The following LRRC53 variants were observed in gnomAD, a reference collection of about 807,000 sequenced individuals.
LRRC53 encodes the protein leucine rich repeat containing 53.
Under a neutral mutation model 13.6 loss-of-function variants are expected in LRRC53, and 25 were observed. The observed-to-expected ratio is 1.83, with a 90% CI of 1.34 to 2.56. The LOEUF is 2.56. LRRC53 is among the 30% of genes most tolerant of loss of function. The probability of loss-of-function intolerance (pLI) is 0.00; values close to 1 mark genes in which losing one functional copy is unlikely to be tolerated. For synonymous variants in LRRC53, 204 were observed against 109.8 expected, an observed-to-expected ratio of 1.86 and a Z score of -5.37; for missense variants, 527 against 275.8, an observed-to-expected ratio of 1.91 and a Z score of -6.45.
chr1:74,488,132 C>T (rs1557600824), intron 1 of LRRC53, among the ~76,000 whole-genome samples: 2 of 152,012 alleles, frequency 1.3e-5, no homozygotes, highest in South Asian at 2.1e-4. Flanking sequence ...TTTAAAATCC[C>T]CAAAGAATGA....
At chr1:74,507,274 C>A (rs1220845103) in intron 1 of LRRC53, among the ~76,000 whole-genome samples, 1 of 136,020 alleles carries the variant, frequency 7.4e-6, no homozygotes, top group East Asian at 2.6e-4. Flanking sequence ...TCAATTAAGA[C>A]CAAGTTCAAT....
At chr1:74,515,434 G>A (rs951112044), upstream of LRRC53, among the ~76,000 whole-genome samples, 2 of 152,122 alleles carry the variant, frequency 1.3e-5, no homozygotes, top group Non-Finnish European at 2.9e-5. Context: ...CCAAAGTTAA[G>A]GTGAAATTCT....
chr1:74,526,884 T>G, the LRRC53 span, among the ~76,000 whole-genome samples: 1 of 152,220 alleles, frequency 6.6e-6, no homozygotes. Flanking sequence ...CTGTAAAGTT[T>G]TATTGGAATA....
At chr1:74,491,991 TA>T (rs1318346103) in intron 1 of LRRC53, 47 of 1,364,690 alleles carry the variant, frequency 3.4e-5, no homozygotes, top group Non-Finnish European at 3.4e-5. Context: ...GAATAGAAAT[TA>T]AAATATGGGA....
chr1:74,510,977 T>G (rs1321713870), intron 1 of LRRC53, among the ~76,000 whole-genome samples: 1 of 152,162 alleles, frequency 6.6e-6, no homozygotes, highest in Non-Finnish European at 1.5e-5. Context: ...AACCTCTGCC[T>G]CCCAGGTTCA....
At chr1:74,501,221 T>C (rs976254352) in intron 1 of LRRC53, among the ~76,000 whole-genome samples, 1 of 152,216 alleles carries the variant, frequency 6.6e-6, no homozygotes, top group African/African-American at 2.4e-5. Flanking sequence ...TGTCTTCCAA[T>C]TCACTTATTC....
the LRRC53 span, among the ~76,000 whole-genome samples, chr1:74,520,626 G>T: frequency 6.6e-6 from 1 of 151,786 alleles, no homozygotes; most frequent in Non-Finnish European, 1.5e-5. Context: ...AAAAAAAAAT[G>T]GGAAAAATCA....
At chr1:74,513,568 A>T (rs1646300044), upstream of LRRC53, among the ~76,000 whole-genome samples, 1 of 152,164 alleles carries the variant, frequency 6.6e-6, no homozygotes, top group Non-Finnish European at 1.5e-5. Flanking sequence ...TGCCAAACCT[A>T]AGCAAATCTG....
intron 1 of LRRC53, 67 bp from the exon 2 acceptor site, chr1:74,483,442 T>C: frequency 1.5e-6 from 1 of 674,102 alleles, no homozygotes. Flanking sequence ...TTTCTGTACA[T>C]ACAGGTCATG....
the LRRC53 span, among the ~76,000 whole-genome samples, chr1:74,531,356 T>G: frequency 6.6e-6 from 1 of 152,216 alleles, no homozygotes; most frequent in East Asian, 1.9e-4. Flanking sequence ...ACTGATAAAT[T>G]AGCAAATGGC....
chr1:74,521,652 A>T, the LRRC53 span, among the ~76,000 whole-genome samples: 31 of 152,290 alleles, frequency 2.0e-4, no homozygotes, highest in African/African-American at 5.5e-4. Context: ...CATGGAGGTC[A>T]CAGTGATCAG....
the LRRC53 span, among the ~76,000 whole-genome samples, chr1:74,535,449 G>T: frequency 2.0e-5 from 3 of 152,136 alleles, no homozygotes; most frequent in Non-Finnish European, 4.4e-5. Context: ...CAGCCTGGGT[G>T]ACTGAGAGGG....
chr1:74,515,587 C>A (rs1407933932), upstream of LRRC53, among the ~76,000 whole-genome samples: 1 of 152,086 alleles, frequency 6.6e-6, no homozygotes, highest in African/African-American at 2.4e-5. Context: ...GAAGAGATTG[C>A]AAGTAATTGA....
At chr1:74,533,477 G>T in the LRRC53 span, among the ~76,000 whole-genome samples, 2 of 152,124 alleles carry the variant, frequency 1.3e-5, no homozygotes, top group African/African-American at 4.8e-5. Flanking sequence ...CTGTAAACTA[G>T]TTCAACCATT....
chr1:74,521,616 T>C, the LRRC53 span, among the ~76,000 whole-genome samples: 2 of 152,088 alleles, frequency 1.3e-5, no homozygotes, highest in Non-Finnish European at 2.9e-5. Context: ...TAGCAAATGA[T>C]TGGTAAAGAC....
intron 1 of LRRC53, among the ~76,000 whole-genome samples, chr1:74,495,293 A>G (rs952520405): frequency 6.6e-6 from 1 of 152,136 alleles, no homozygotes; most frequent in Non-Finnish European, 1.5e-5. Flanking sequence ...CTTAAAATCA[A>G]CTCTAGGAAT....
At chr1:74,519,344 C>T in the LRRC53 span, among the ~76,000 whole-genome samples, 5 of 109,228 alleles carry the variant, frequency 4.6e-5, no homozygotes, top group East Asian at 2.5e-4. Flanking sequence ...AATAAACATA[C>T]GTGTGCATGT....
intron 1 of LRRC53, among the ~76,000 whole-genome samples, chr1:74,502,462 A>G (rs1197123547): frequency 6.6e-6 from 1 of 152,150 alleles, no homozygotes; most frequent in East Asian, 1.9e-4. Context: ...AAAAAATGGT[A>G]GTTCATAATT....
At chr1:74,527,546 C>T in the LRRC53 span, among the ~76,000 whole-genome samples, 1 of 152,106 alleles carries the variant, frequency 6.6e-6, no homozygotes. Flanking sequence ...AACCAGAAAG[C>T]CACTATGGTG....
Sources: gnomAD v4.1 joint callset for allele counts (sites outside exome capture counted in the v4.1 genomes callset) on GRCh38, gnomAD v4.1.1 for gene constraint, MANE v1.5 for transcripts, NCBI Gene and HGNC (gene_info 2026-07-23, HGNC 2026-07-21) for gene names.